Variants in MYH3 observed in about 807,000 individuals in gnomAD.
The protein encoded by MYH3 is myosin heavy chain 3.
Under a neutral mutation model 238.0 loss-of-function variants are expected in MYH3, and 130 were observed. That is an observed-to-expected ratio of 0.55 (90% CI 0.47 to 0.63). The LOEUF is 0.63. Among genes scored for constraint, MYH3 ranks in the 30% least tolerant of loss-of-function variants. The probability of loss-of-function intolerance (pLI) is 0.00; values close to 1 mark genes in which losing one functional copy is unlikely to be tolerated. For missense variants in MYH3, 1,853 were observed against 2,374.9 expected (o/e 0.78, Z 4.57); for synonymous variants, 880 against 924.1 (o/e 0.95, Z 0.86).
At chr17:10,676,532 A>T in the MYH3 span, 1 of 152,210 alleles carries the variant, frequency 6.6e-6, no homozygotes, top group Non-Finnish European at 1.5e-5. Flanking sequence ...TACATCAATT[A>T]GTTAACTATT....
the MYH3 span, among the ~76,000 whole-genome samples, chr17:10,663,791 G>A: frequency 1.6e-4 from 24 of 152,086 alleles, no homozygotes; most frequent in Admixed American, 4.6e-4. Context: ...GGCCAGATGC[G>A]GTGGCTCACA....
rs1289435275 is a variant in MYH3, at chr17:10,640,327, C to A, written c.2426+6G>T. ...AGCTCATGTCTGAACAAAGACCCTG[C>A]TGGACCTCCTCTGCACCATCTTCTG... On this transcript the variant is annotated splice_donor_region_variant and intron_variant, in intron 21 of 40. Transcript: ENST00000583535. 6.2e-7 allele frequency: 1 copy of A among 1,614,100 alleles called. No homozygotes were observed. The highest frequency in any genetic ancestry group is 1.3e-5 in the African/African-American group (1 of 74,946).
intron 8 of MYH3, 95 bp downstream of exon 8, chr17:10,648,462 C>G: frequency 2.0e-6 from 2 of 1,024,074 alleles, no homozygotes; most frequent in Admixed American, 1.7e-5. Flanking sequence ...TTTTCATCAT[C>G]TGTTGCCTCT....
At chr17:10,674,712 A>G in the MYH3 span, 1 of 152,538 alleles carries the variant, frequency 6.6e-6, no homozygotes, top group South Asian at 2.1e-4. Context: ...TCCTCACGAA[A>G]CCTTGGTGGC....
the MYH3 span, chr17:10,673,551 T>C: frequency 6.6e-6 from 1 of 152,234 alleles, no homozygotes; most frequent in African/African-American, 2.4e-5. Flanking sequence ...CCCCACTTTC[T>C]TCTGTAACTA....
chr17:10,641,506 GTCT>G (rs2074271857), intron 17 of MYH3, 134 bp from the exon 18 acceptor site: 1 of 62,882 alleles, frequency 1.6e-5, no homozygotes, highest in Non-Finnish European at 6.1e-5. Context: ...ATTTAACTCT[GTCT>G]TTTTTTTTTT....
At position 10,648,570 on chromosome 17, in the gene MYH3, T is replaced by TTTTG; in HGVS notation, c.721_722insCAAA (p.Asn241ThrfsTer26). On this transcript the variant is annotated frameshift_variant, in exon 8 of 41. Transcript: ENST00000583535. LOFTEE classifies it high-confidence loss of function. ...ACTCAGACTCACAAAACGGGAGGAG[T>TTTTG]TGTCATTCCTCACAGTCTTGGCGTT... The TTTTG allele has an allele frequency of 1.2e-6, 2 of 1,613,502 alleles. No homozygotes were observed. Among genetic ancestry groups the TTTTG allele is most frequent in the Non-Finnish European group, 1.7e-6 (2 of 1,179,738 alleles).
chr17:10,639,377 A>G lies in MYH3; in HGVS notation c.3023T>C (p.Leu1008Ser). The change falls in exon 24 of 41, where the codon TTG becomes TCG. Residue 1008 changes from leucine (L) to serine (S), a missense_variant. By Grantham distance (145) the Leu-to-Ser change is moderately radical. Transcript: ENST00000583535. ...GTCTTCTTCAGCTTGGAGGTCATCC[A>G]AGGCCTGCTGGTGCGCCTCTTGGAG... ...KALQEAHQQALDDLQAEEDKV... is the reference protein window; with the variant it reads ...KALQEAHQQASDDLQAEEDKV... 1.2e-6 allele frequency: 2 copies of G among 1,614,154 alleles called. No homozygotes were observed.
upstream of MYH3, among the ~76,000 whole-genome samples, chr17:10,660,922 T>C (rs1000092200): frequency 9.3e-5 from 14 of 150,996 alleles, no homozygotes; most frequent in African/African-American, 3.4e-4. Flanking sequence ...GAGGCAGACA[T>C]TGCAGTAAGC....
chr17:10,674,562 C>T, the MYH3 span: 1 of 164,624 alleles, frequency 6.1e-6, no homozygotes, highest in Non-Finnish European at 1.3e-5. Context: ...AGTAGCAAGG[C>T]TGTAGAGGGA....
In MYH3 at chr17:10,636,083, G is replaced by C. The variant is rs148109267; in HGVS notation, c.3857-230C>G. Among the ~76,000 whole-genome samples, 16 of 152,176 alleles carry C rather than the reference G, an allele frequency of 1.1e-4. 1 individual carries two copies. The East Asian group carries it at 2.7e-3, about 26-fold the overall frequency. ...CTCACGCCTGTAATCCCAGCACTTT[G>C]GGAGGCTGAGGCAGGCAGATCACAA... On this transcript the variant is annotated intron_variant, in intron 28 of 40. Transcript: ENST00000583535.
the MYH3 span, among the ~76,000 whole-genome samples, chr17:10,666,158 G>A: frequency 1.3e-5 from 2 of 152,146 alleles, no homozygotes; most frequent in Non-Finnish European, 2.9e-5. Context: ...CTAGATCATG[G>A]TAGATTCTTT....
At position 10,651,573 on chromosome 17, in the gene MYH3, G is replaced by A. The variant is rs148322984; in HGVS notation, c.444C>T (p.Arg148=). Residue 148 remains arginine (R), a synonymous_variant, in exon 5 of 41, where the codon CGC becomes CGT. Coordinates refer to ENST00000583535, the MANE Select transcript of MYH3 (RefSeq NM_002470.4). ...AGAAGATGTGGGGTGGGGCCTCCTG[G>A]CGCTTTTTGCCTCGGTAGCCTTCCA... ...EVVEGYRGKK[R]QEAPPHIFSI... The A allele has an allele frequency of 1.9e-6, 3 of 1,614,004 alleles. No individual in the cohort carries two copies. The highest frequency in any genetic ancestry group is 2.5e-6 in the Non-Finnish European group (3 of 1,179,958).
chr17:10,639,914 C>T lies in MYH3; in HGVS notation c.2682+82G>A, dbSNP rs1433800943. On this transcript the variant is annotated intron_variant, in intron 22 of 40. Transcript: ENST00000583535. ...AGCATTTCAACTAAAAAGCAAAAAT[C>T]CCCACCAATAACTCAATTTTTCTAA... The T allele has an allele frequency of 3.1e-6, 5 of 1,588,720 alleles. No individual in the cohort carries two copies. In the African/African-American group the frequency reaches 6.8e-5, roughly 22 times the overall value.
Position 10,641,486 on chromosome 17 carries a change from T to C in MYH3, c.1960-114A>G, listed in dbSNP as rs112420585. ...AAAATTTATCATAAGTTCTAAAGTA[T>C]AGTGAAATGATTTAACTCTGTCTTT... On this transcript the variant is annotated intron_variant, in intron 17 of 40. Transcript: ENST00000583535. 0.018 allele frequency: 13,822 copies of C among 789,614 alleles called. 160 individuals are homozygous for C. The highest frequency in any genetic ancestry group is 0.03 in the African/African-American group (1,697 of 55,950). The allele number at this position is 789,614 out of a possible 1,614,324, so 48.9% of individuals were successfully genotyped here. A position where few individuals can be genotyped will look rare whatever the true frequency, so the allele number is the denominator to read the frequency against.
Position 10,638,728 on chromosome 17 carries a change from T to C in MYH3, c.3339+145A>G, listed in dbSNP as rs2074241506. The C allele has an allele frequency of 7.2e-6, 6 of 827,666 alleles. No homozygotes were observed. The South Asian group carries it at 9.3e-5, about 13-fold the overall frequency. The allele number at this position is 827,666 out of a possible 1,614,324, so 51.3% of individuals were successfully genotyped here. ...GATGTTTTGGGGAAATGGTTCATCA[T>C]GGCCAGGCCAGCCTAGCAGAAAGGG... On this transcript the variant is annotated intron_variant, in intron 26 of 40. Coordinates refer to ENST00000583535, the MANE Select transcript of MYH3 (RefSeq NM_002470.4).
chr17:10,642,792 GAGA>G lies in MYH3; in HGVS notation c.1581+31_1581+33del. 1 of 1,614,152 alleles carries G rather than the reference GAGA, an allele frequency of 6.2e-7. No homozygotes were observed. Among genetic ancestry groups the G allele is most frequent in the Non-Finnish European group, 8.5e-7 (1 of 1,180,004 alleles). ...TGCAGTAATGAGCAGAAGAGTCTAT[GAGA>G]AGAGCTTACGGTGGGGATGGAACTG... On this transcript the variant is annotated intron_variant, in intron 15 of 40. Coordinates refer to ENST00000583535, the MANE Select transcript of MYH3 (RefSeq NM_002470.4). This position sits in a 1 kb window ranked among gnomAD's most constrained non-coding sequence, Gnocchi z 5.4.
chr17:10,649,490 A>T, intron 7 of MYH3, 87 bp downstream of exon 7: 1 of 998,976 alleles, frequency 1.0e-6, no homozygotes, highest in Non-Finnish European at 1.6e-6. Context: ...AAGAGGGGGG[A>T]ATGTGAGGAC....
intron 28 of MYH3, among the ~76,000 whole-genome samples, chr17:10,637,126 C>T (rs568148395): frequency 1.3e-5 from 2 of 150,508 alleles, no homozygotes; most frequent in Non-Finnish European, 3.0e-5. Context: ...ATGGCATAAT[C>T]TCGGCTCACT....
Sources: gnomAD v4.1 joint callset for allele counts (sites outside exome capture counted in the v4.1 genomes callset) on GRCh38, gnomAD v4.1.1 for gene constraint, Gnocchi (gnomAD v3.1) non-coding constraint, MANE v1.5 for transcripts, NCBI Gene and HGNC (gene_info 2026-07-23, HGNC 2026-07-21) for gene names.